The following CABIN1 variants were observed in gnomAD, a reference collection of about 807,000 sequenced individuals.
CABIN1 encodes calcineurin binding protein 1.
In CABIN1, 133 loss-of-function variants were observed where a neutral mutation model predicts 227.7. That is an observed-to-expected ratio of 0.58 (90% CI 0.51 to 0.67). The LOEUF (loss-of-function observed/expected upper bound fraction) is 0.67, where lower values mean the gene tolerates loss of function less well. CABIN1 is among the 30% of genes least tolerant of loss of function. The pLI is 0.00. For synonymous variants in CABIN1, 1,086 were observed against 1,155.1 expected (o/e 0.94, Z 1.21); for missense variants, 2,408 against 2,852.5 (o/e 0.84, Z 3.55).
At chr22:24,103,542 C>A (rs2042335893) in intron 26 of CABIN1, among the ~76,000 whole-genome samples, 1 of 152,102 alleles carries the variant, frequency 6.6e-6, no homozygotes, top group African/African-American at 2.4e-5. Flanking sequence ...CAGTGACCTC[C>A]CCTCCTAGGG....
At chr22:24,011,722 C>G (rs2034828071) in intron 1 of CABIN1, 1 of 152,304 alleles carries the variant, frequency 6.6e-6, no homozygotes, top group South Asian at 2.1e-4. Context: ...CACAGCAGCC[C>G]TGCGAGGTGA....
intron 25 of CABIN1, 28 bp downstream of exon 25, chr22:24,096,110 A>C (rs754439838): frequency 8.1e-6 from 13 of 1,613,382 alleles, no homozygotes; most frequent in Middle Eastern, 1.7e-4. Context: ...GGCGACCCCT[A>C]GCAGCTTACC....
At chr22:24,033,456 A>G (rs1028465348) in intron 1 of CABIN1, among the ~76,000 whole-genome samples, 14 of 152,214 alleles carry the variant, frequency 9.2e-5, no homozygotes, top group Non-Finnish European at 1.6e-4. Context: ...CACTGTGTCC[A>G]GCCCCTAGCA....
chr22:24,027,533 G>A (rs564386366), intron 1 of CABIN1, among the ~76,000 whole-genome samples: 3 of 152,290 alleles, frequency 2.0e-5, no homozygotes, highest in East Asian at 3.9e-4. Context: ...ATCCCCCACA[G>A]TTTATATGTT....
At chr22:24,102,013 T>C (rs910742643) in intron 26 of CABIN1, among the ~76,000 whole-genome samples, 1 of 152,194 alleles carries the variant, frequency 6.6e-6, no homozygotes, top group Admixed American at 6.5e-5. Flanking sequence ...GTCATGCCCT[T>C]GTTTCCCCAA....
Position 24,166,904 on chromosome 22 carries a change from C to T in CABIN1, c.5273C>T (p.Thr1758Ile), listed in dbSNP as rs1418931798. 2 of 1,608,578 alleles carry T rather than the reference C, an allele frequency of 1.2e-6. No homozygotes were observed. Among genetic ancestry groups the T allele is most frequent in the Non-Finnish European group, 1.7e-6 (2 of 1,177,964 alleles). ...KDKESPRAGP[T>I]EPMDTSEATV... ...AAAGAGAGCCCACGGGCAGGGCCCA[C>T]TGAGCCCATGGACACGAGTGAGGCC... The change falls in exon 32 of 37, where the codon ACT becomes ATT. Residue 1758 changes from threonine to isoleucine, a missense_variant. Coordinates refer to ENST00000263119, the MANE Select transcript of CABIN1 (RefSeq NM_012295.4).
intron 29 of CABIN1, among the ~76,000 whole-genome samples, chr22:24,152,013 C>A (rs6004071): frequency 2.6e-5 from 4 of 152,312 alleles, no homozygotes; most frequent in African/African-American, 7.2e-5. Flanking sequence ...GTGGGGACAG[C>A]CATCTTGGGG....
chr22:24,055,271 T>TCAG, intron 9 of CABIN1, 112 bp downstream of exon 9: 2 of 1,255,536 alleles, frequency 1.6e-6, no homozygotes, highest in Non-Finnish European at 2.2e-6. Flanking sequence ...ATGCTGATGC[T>TCAG]CATGACTCAA....
At chr22:24,046,954 C>T (rs1043258929) in intron 6 of CABIN1, among the ~76,000 whole-genome samples, 4 of 152,096 alleles carry the variant, frequency 2.6e-5, no homozygotes, top group African/African-American at 7.2e-5. Flanking sequence ...TTCTCTTATG[C>T]GGGGGAAGGT....
intron 19 of CABIN1, among the ~76,000 whole-genome samples, chr22:24,076,805 C>G (rs1197658485): frequency 6.6e-6 from 1 of 152,170 alleles, no homozygotes; most frequent in Non-Finnish European, 1.5e-5. Flanking sequence ...AAGTAGCTCC[C>G]TGGGTTTACT....
rs770758118 is a variant in CABIN1, at chr22:24,164,484, A to G, written c.4831A>G (p.Lys1611Glu). ...HMNRSIVLLL[K>E]VLAQLRDHST... Reference sequence around the variant, plus strand: ...GAACCGCTCCATCGTGCTGCTGCTCAAGGTGCTGGCCCAGCTGCGGGACCA... The same window carrying G: ...GAACCGCTCCATCGTGCTGCTGCTCGAGGTGCTGGCCCAGCTGCGGGACCA... The change falls in exon 30 of 37, where the codon AAG (lysine) becomes GAG (glutamate). Residue 1611 changes from lysine to glutamate, a missense_variant. Physicochemically the swap from Lys to Glu is moderately conservative, Grantham distance 56 (BLOSUM62 1). Coordinates refer to ENST00000263119, the MANE Select transcript of CABIN1 (RefSeq NM_012295.4). 3 of 1,606,404 alleles carry G rather than the reference A, an allele frequency of 1.9e-6. No individual in the cohort carries two copies. The highest frequency in any genetic ancestry group is 2.5e-6 in the Non-Finnish European group (3 of 1,179,964).
intron 29 of CABIN1, among the ~76,000 whole-genome samples, chr22:24,155,573 T>C (rs964385976): frequency 6.6e-6 from 1 of 152,176 alleles, no homozygotes; most frequent in African/African-American, 2.4e-5. Flanking sequence ...CCAGCGGTCT[T>C]CACTGCAGCC....
In CABIN1 at chr22:24,141,135, G is replaced by A. The variant is rs183927613; in HGVS notation, c.4746+6720G>A. ...TAGAGGCCAGTGCTAGGATGTGACT[G>A]AAGCACGGAGCAGGAGGAGCTCCAA... On this transcript the variant is annotated intron_variant, in intron 29 of 36. Coordinates refer to ENST00000263119, the MANE Select transcript of CABIN1 (RefSeq NM_012295.4). Among the ~76,000 whole-genome samples the A allele has an allele frequency of 2.1e-4, 32 of 152,374 alleles. No individual in the cohort carries two copies. The East Asian group carries it at 5.0e-3, about 24-fold the overall frequency.
intron 29 of CABIN1, chr22:24,156,158 G>C: frequency 2.5e-6 from 1 of 393,710 alleles, no homozygotes. Flanking sequence ...CTTCGCCTCC[G>C]CTGCCCGTCT....
At chr22:24,052,732 G>A (rs1301084705) in intron 8 of CABIN1, among the ~76,000 whole-genome samples, 1 of 151,312 alleles carries the variant, frequency 6.6e-6, no homozygotes, top group Non-Finnish European at 1.5e-5. Flanking sequence ...CAAGGCTACA[G>A]TGAGCTGTGA....
At chr22:24,024,028 C>T (rs1402288252) in intron 1 of CABIN1, among the ~76,000 whole-genome samples, 1 of 152,126 alleles carries the variant, frequency 6.6e-6, no homozygotes, top group Non-Finnish European at 1.5e-5. Context: ...CTACCATGCC[C>T]AGTCATTTAC....
rs558238671 is a variant in CABIN1, at chr22:24,167,415, G to A, written c.5682+102G>A. 1.9e-4 allele frequency: 218 copies of A among 1,145,722 alleles called. 2 individuals are homozygous for A. In the African/African-American group the frequency reaches 2.2e-3, roughly 12 times the overall value. The allele number at this position is 1,145,722 out of a possible 1,614,324, so 71.0% of individuals were successfully genotyped here. On this transcript the variant is annotated intron_variant, in intron 32 of 36. Coordinates refer to ENST00000263119, the MANE Select transcript of CABIN1 (RefSeq NM_012295.4). The stretch of plus-strand genomic sequence containing the variant: ...GGTCTCCCAGGCCTGCCCTTGGGGC[G>A]GGTTTTAGGTGTTGTTCCCACACCA...
At chr22:24,122,989 G>T (rs1944014029) in intron 28 of CABIN1, among the ~76,000 whole-genome samples, 1 of 152,070 alleles carries the variant, frequency 6.6e-6, no homozygotes, top group African/African-American at 2.4e-5. Context: ...TCAGCCCCAG[G>T]CAATCTCATG....
At chr22:24,141,574 C>G (rs1038470948) in intron 29 of CABIN1, among the ~76,000 whole-genome samples, 6 of 152,210 alleles carry the variant, frequency 3.9e-5, no homozygotes, top group Non-Finnish European at 1.5e-5. Flanking sequence ...AGGCCAGATG[C>G]CCTCCCACCA....
Sources: allele counts gnomAD v4.1 joint callset (sites outside exome capture counted in the v4.1 genomes callset), GRCh38; gene constraint gnomAD v4.1.1; transcripts MANE v1.5; gene names NCBI Gene and HGNC (gene_info 2026-07-23, HGNC 2026-07-21).